The following RPS6KC1 variants were observed in gnomAD, a reference collection of about 807,000 sequenced individuals.
The protein encoded by RPS6KC1 is ribosomal protein S6 kinase C1.
RPS6KC1 carries 54 observed loss-of-function variants against 103.8 expected under a neutral mutation model. The ratio of observed to expected loss-of-function variants is 0.52; its 90% CI spans 0.42 to 0.65. The LOEUF (loss-of-function observed/expected upper bound fraction) is 0.65. RPS6KC1 is among the 30% of genes least tolerant of loss of function. The pLI is 0.00. For synonymous variants in RPS6KC1, 439 were observed against 438.7 expected (o/e 1.00, Z -0.01); for missense variants, 1,151 against 1,253.8 (o/e 0.92, Z 1.24).
the RPS6KC1 span, among the ~76,000 whole-genome samples, chr1:213,749,722 C>A: frequency 2.0e-5 from 3 of 152,296 alleles, no homozygotes; most frequent in East Asian, 5.8e-4. Context: ...ATTGTGGCAG[C>A]TACTGTCAGC....
At chr1:213,335,631 G>T in the RPS6KC1 span, among the ~76,000 whole-genome samples, 1 of 152,174 alleles carries the variant, frequency 6.6e-6, no homozygotes, top group African/African-American at 2.4e-5. Context: ...ACTCCTATCT[G>T]CAACCCCATT....
At chr1:213,746,466 G>C in the RPS6KC1 span, among the ~76,000 whole-genome samples, 1 of 152,186 alleles carries the variant, frequency 6.6e-6, no homozygotes, top group African/African-American at 2.4e-5. Context: ...CCGAGGGTGA[G>C]TCATGGATAA....
chr1:213,228,337 G>T (rs562316844), intron 8 of RPS6KC1, among the ~76,000 whole-genome samples: 1 of 152,100 alleles, frequency 6.6e-6, no homozygotes, highest in African/African-American at 2.4e-5. Context: ...TACTGTTACC[G>T]ACTATTATAG....
At position 213,117,416 on chromosome 1, in the gene RPS6KC1, A is replaced by G. The variant is rs2083784099; in HGVS notation, c.472+6A>G. On this transcript the variant is annotated splice_donor_region_variant and intron_variant, in intron 5 of 14. Transcript: ENST00000366960. ...TCCTGAGTGTAGTACGGAAGGTAAG[A>G]GATTTTAATTTTTTTGCATTTCAAA... 1 of 1,571,760 alleles carries G rather than the reference A, an allele frequency of 6.4e-7. No individual in the cohort carries two copies. The highest frequency in any genetic ancestry group is 1.7e-5 in the Admixed American group (1 of 57,552).
chr1:213,777,010 G>T, the RPS6KC1 span, among the ~76,000 whole-genome samples: 5,749 of 152,170 alleles, frequency 0.038, 338 homozygotes, highest in African/African-American at 0.13. Context: ...ATTAAAGAGG[G>T]TTAGGATCTT....
chr1:213,602,120 CTCTTTCTTTCTTT>C, the RPS6KC1 span, among the ~76,000 whole-genome samples: 1 of 5,154 alleles, frequency 1.9e-4, no homozygotes, highest in Non-Finnish European at 3.7e-4. Context: ...TTCTTTCTTT[CTCTTTCTTTCTTT>C]CTTTCTTTCT....
At chr1:213,800,638 G>A in the RPS6KC1 span, among the ~76,000 whole-genome samples, 2 of 152,166 alleles carry the variant, frequency 1.3e-5, no homozygotes, top group Non-Finnish European at 1.5e-5. Flanking sequence ...TTCTCCTTAT[G>A]ACTAACATGA....
chr1:213,295,390 G>A, the RPS6KC1 span, among the ~76,000 whole-genome samples: 1 of 152,174 alleles, frequency 6.6e-6, no homozygotes, highest in African/African-American at 2.4e-5. Context: ...AGATTGGGAT[G>A]TCTTCTTTCT....
the RPS6KC1 span, among the ~76,000 whole-genome samples, chr1:213,761,929 A>C: frequency 7.6e-6 from 1 of 132,246 alleles, no homozygotes; most frequent in East Asian, 1.9e-4. Flanking sequence ...TTATTTTTCT[A>C]TTCAGATATA....
chr1:213,352,444 G>A, the RPS6KC1 span, among the ~76,000 whole-genome samples: 3 of 152,112 alleles, frequency 2.0e-5, no homozygotes, highest in Admixed American at 6.5e-5. Flanking sequence ...TTTGTGTCTC[G>A]TGGGAGGGGG....
chr1:213,247,465 G>A (rs1189806327), intron 12 of RPS6KC1, among the ~76,000 whole-genome samples: 2 of 152,110 alleles, frequency 1.3e-5, no homozygotes, highest in Non-Finnish European at 2.9e-5. Context: ...CATGGCATTT[G>A]TTTCTTTTTA....
At chr1:213,640,649 G>C in the RPS6KC1 span, among the ~76,000 whole-genome samples, 1 of 150,876 alleles carries the variant, frequency 6.6e-6, no homozygotes, top group South Asian at 2.1e-4. Context: ...TTTGATCTAT[G>C]GATTATTTTT....
At chr1:213,735,768 G>C in the RPS6KC1 span, among the ~76,000 whole-genome samples, 1 of 152,182 alleles carries the variant, frequency 6.6e-6, no homozygotes, top group Admixed American at 6.5e-5. Context: ...TTAACTACTG[G>C]CTTTATAATT....
chr1:213,277,469 T>C (rs2095114452), downstream of RPS6KC1, among the ~76,000 whole-genome samples: 1 of 152,194 alleles, frequency 6.6e-6, no homozygotes, highest in South Asian at 2.1e-4. Context: ...GCCAGGGAGA[T>C]GCAGCAGAGC....
chr1:213,831,274 TG>T, the RPS6KC1 span, among the ~76,000 whole-genome samples: 1 of 152,236 alleles, frequency 6.6e-6, no homozygotes, highest in South Asian at 2.1e-4. Flanking sequence ...GATCTTGAGA[TG>T]GGGGGATTAT....
chr1:213,376,679 G>A, the RPS6KC1 span, among the ~76,000 whole-genome samples: 1 of 152,300 alleles, frequency 6.6e-6, no homozygotes, highest in South Asian at 2.1e-4. Context: ...GCAGTGCAGA[G>A]AGTGGGCAGA....
In RPS6KC1 at chr1:213,051,299, G is replaced by A. The variant is rs1219962042; in HGVS notation, c.-106G>A. 3 of 778,252 alleles carry A rather than the reference G, an allele frequency of 3.9e-6. No individual in the cohort carries two copies. The highest frequency in any genetic ancestry group is 1.7e-5 in the African/African-American group (1 of 57,246). The allele number at this position is 778,252 out of a possible 1,614,324, so 48.2% of individuals were successfully genotyped here. Reference sequence around the variant, plus strand: ...GCCGTGGAGCCGCCTTGGAGCCACCGCCCCCTCGCCGCTTCGCCGCTGCGT... The same window carrying A: ...GCCGTGGAGCCGCCTTGGAGCCACCACCCCCTCGCCGCTTCGCCGCTGCGT... On this transcript the variant is annotated 5_prime_UTR_variant, in exon 1 of 15. Transcript: ENST00000366960.
chr1:213,711,860 A>G, the RPS6KC1 span, among the ~76,000 whole-genome samples: 18 of 152,260 alleles, frequency 1.2e-4, no homozygotes, highest in East Asian at 3.5e-3. Context: ...AACAGCAAAG[A>G]TTGCTGCCTG....
intron 3 of RPS6KC1, among the ~76,000 whole-genome samples, chr1:213,081,382 A>G (rs1366847793): frequency 1.3e-5 from 2 of 152,124 alleles, no homozygotes; most frequent in Non-Finnish European, 2.9e-5. Context: ...GCTTTTTCCA[A>G]CAGGTTTAGT....
Sources: allele counts gnomAD v4.1 joint callset (sites outside exome capture counted in the v4.1 genomes callset), GRCh38; gene constraint gnomAD v4.1.1; transcripts MANE v1.5; gene names NCBI Gene and HGNC (gene_info 2026-07-23, HGNC 2026-07-21).